The following AKAP13 variants were observed in gnomAD, a reference collection of about 807,000 sequenced individuals.
AKAP13 encodes the protein A-kinase anchoring protein 13.
AKAP13 carries 80 observed loss-of-function variants against 264.5 expected under a neutral mutation model. The ratio of observed to expected loss-of-function variants is 0.30; its 90% CI spans 0.25 to 0.36. The LOEUF is 0.36. AKAP13 is among the 10% of genes least tolerant of loss of function. The pLI is 1.00. For synonymous variants in AKAP13, 1,380 were observed against 1,250.2 expected, an observed-to-expected ratio of 1.10 and a Z score of -2.19; for missense variants, 3,712 against 3,435.2, an observed-to-expected ratio of 1.08 and a Z score of -2.01.
chr15:85,654,754 G>A (rs2083020936), intron 10 of AKAP13, among the ~76,000 whole-genome samples: 1 of 151,766 alleles, frequency 6.6e-6, no homozygotes, highest in African/African-American at 2.4e-5. Flanking sequence ...GGCCCAGGAG[G>A]TCAAGGCTGC....
chr15:85,528,763 A>G (rs1249571242), intron 3 of AKAP13, among the ~76,000 whole-genome samples: 4 of 152,120 alleles, frequency 2.6e-5, no homozygotes, highest in Admixed American at 6.5e-5. Flanking sequence ...AGTGGACTTG[A>G]TAGTGTGAGA....
At position 85,746,007 on chromosome 15, in the gene AKAP13, C is replaced by T. The variant is rs1008471689; in HGVS notation, c.*1330C>T. On this transcript the variant is annotated 3_prime_UTR_variant, in exon 37 of 37. Transcript: ENST00000394518. ...TCATCTTTGTTCACTTGAGGCTTTC[C>T]CCAGCTGGTGTGTGCAGGACAGTTC... The T allele has an allele frequency of 1.3e-5, 2 of 152,284 alleles. No individual in the cohort carries two copies. The highest frequency in any genetic ancestry group is 4.8e-5 in the African/African-American group (2 of 41,428). The allele number at this position is 152,284 out of a possible 1,614,324, so 9.4% of individuals were successfully genotyped here.
rs574095848 is a variant in AKAP13, at chr15:85,584,328, G to C, written c.4040-1374G>C. ...CAGAGGCTGCCGACACCCGTCAAGTGTGAGTAATCACTGTTTTCTAGTGTG... is the reference window on the plus strand; with the variant it reads ...CAGAGGCTGCCGACACCCGTCAAGTCTGAGTAATCACTGTTTTCTAGTGTG... On this transcript the variant is annotated intron_variant, in intron 7 of 36. Coordinates refer to ENST00000394518, the MANE Select transcript of AKAP13 (RefSeq NM_007200.5). Among the ~76,000 whole-genome samples the C allele has an allele frequency of 2.0e-5, 3 of 152,278 alleles. No homozygotes were observed. The South Asian group carries it at 6.2e-4, about 32-fold the overall frequency.
chr15:85,529,686 T>C lies in AKAP13; in HGVS notation c.182-3898T>C, dbSNP rs759310121. ...GCCACTTGAACCTAATGGAAAACAT[T>C]AATGTGAGAGAGTAGGCCTGCCAAA... On this transcript the variant is annotated intron_variant, in intron 3 of 36. Coordinates refer to ENST00000394518, the MANE Select transcript of AKAP13 (RefSeq NM_007200.5). Among the ~76,000 whole-genome samples the C allele has an allele frequency of 1.2e-3, 186 of 152,280 alleles. 1 individual carries two copies. The highest frequency in any genetic ancestry group is 4.0e-3 in the Admixed American group (61 of 15,298).
rs1463047946 is a variant in AKAP13, at chr15:85,727,995, C to G, written c.7087+532C>G. Among the ~76,000 whole-genome samples, 1 of 152,214 alleles carries G rather than the reference C, an allele frequency of 6.6e-6. No individual in the cohort carries two copies. The highest frequency in any genetic ancestry group is 2.1e-4 in the South Asian group (1 of 4,820). On this transcript the variant is annotated intron_variant, in intron 29 of 36. Transcript: ENST00000394518. The surrounding 1 kb of genome is among the most constrained non-coding windows in gnomAD (Gnocchi z 5.3). ...CTGTTTTGTGTAGTCTTGTCAGTAT[C>G]CCTGCAACACAGGCATTCTAATCCC...
At chr15:85,578,868 A>G in intron 6 of AKAP13, 62 bp from the exon 7 acceptor site, 1 of 1,524,470 alleles carries the variant, frequency 6.6e-7, no homozygotes, top group Non-Finnish European at 8.9e-7. Flanking sequence ...TTTTGCTCAG[A>G]GGTGTCAGTG....
rs1003452149 is a variant in AKAP13 at position 85,727,717 on chromosome 15, C to T, written c.7087+254C>T. 2.6e-5 allele frequency among the ~76,000 whole-genome samples: 4 copies of T among 152,140 alleles called. No individual in the cohort carries two copies. Among genetic ancestry groups the T allele is most frequent in the African/African-American group, 7.2e-5 (3 of 41,416 alleles). On this transcript the variant is annotated intron_variant, in intron 29 of 36. Coordinates refer to ENST00000394518, the MANE Select transcript of AKAP13 (RefSeq NM_007200.5). This position sits in a 1 kb window ranked among gnomAD's most constrained non-coding sequence, Gnocchi z 5.3. ...ATATTGATTCTCTTGACTCAGGATC[C>T]GTGTTCTCAAACCTCATGACATTCT...
intron 14 of AKAP13, among the ~76,000 whole-genome samples, chr15:85,673,524 C>G (rs1337141359): frequency 1.3e-5 from 2 of 152,276 alleles, no homozygotes; most frequent in African/African-American, 4.8e-5. Flanking sequence ...ATTTCTCCTC[C>G]TTGCATCAGA....
intron 16 of AKAP13, among the ~76,000 whole-genome samples, chr15:85,692,504 TGG>T (rs1197768928): frequency 2.0e-5 from 3 of 150,604 alleles, no homozygotes; most frequent in Admixed American, 6.7e-5. Flanking sequence ...GTGATGGTGG[TGG>T]TGGTGGTGGT....
At chr15:85,709,997 A>G (rs1205393399) in intron 18 of AKAP13, among the ~76,000 whole-genome samples, 3 of 152,138 alleles carry the variant, frequency 2.0e-5, no homozygotes, top group African/African-American at 7.2e-5. Context: ...CTGGAATTTC[A>G]TTTTAAATAG....
intron 7 of AKAP13, among the ~76,000 whole-genome samples, chr15:85,583,343 T>C (rs2079201556): frequency 6.6e-6 from 1 of 152,250 alleles, no homozygotes. Context: ...TTATTTTCCC[T>C]GGTAAAGGGC....
chr15:85,473,465 A>G (rs1890344078), intron 1 of AKAP13, among the ~76,000 whole-genome samples: 2 of 152,266 alleles, frequency 1.3e-5, no homozygotes, highest in Admixed American at 1.3e-4. Flanking sequence ...TAAACCCTCC[A>G]GAGAATGCTG....
At position 85,627,090 on chromosome 15, in the gene AKAP13, A is replaced by G. The variant is rs541161055; in HGVS notation, c.4162-12284A>G. ...CATCTGCGAATAGGTATTATTTACT[A>G]TGAATGCCACCTTTAGTGTGTCTTT... is the stretch of plus-strand genomic sequence containing the variant. On this transcript the variant is annotated intron_variant, in intron 8 of 36. Transcript: ENST00000394518. 8.5e-5 allele frequency among the ~76,000 whole-genome samples: 13 copies of G among 152,264 alleles called. No homozygotes were observed. In the South Asian group the frequency reaches 1.7e-3, roughly 19 times the overall value.
chr15:85,494,889 G>A (rs937666831), intron 2 of AKAP13, among the ~76,000 whole-genome samples: 3 of 152,060 alleles, frequency 2.0e-5, no homozygotes, highest in African/African-American at 7.2e-5. Flanking sequence ...GCAATTGGAA[G>A]ATGAAGAAGA....
chr15:85,680,283 C>T (rs896381349), intron 14 of AKAP13, among the ~76,000 whole-genome samples: 3 of 152,062 alleles, frequency 2.0e-5, no homozygotes, highest in African/African-American at 4.8e-5. Flanking sequence ...GGTTTTAAAA[C>T]CACTGATTTA....
At position 85,579,595 on chromosome 15, in the gene AKAP13, G is replaced by A; in HGVS notation, c.1527G>A (p.Glu509=). The A allele has an allele frequency of 6.2e-7, 1 of 1,614,214 alleles. No individual in the cohort carries two copies. ...GGGAAAGTACAAAGGAAAGATTTGA[G>A]AACTCTAATATTGGCACAGCTGGAG... is the stretch of plus-strand genomic sequence containing the variant. ...QGGESTKERF[E]NSNIGTAGAS... is the part of the protein sequence containing the mutation. Residue 509 remains glutamate (E), a synonymous_variant, in exon 7 of 37, where the codon GAG becomes GAA. Transcript: ENST00000394518.
intron 33 of AKAP13, among the ~76,000 whole-genome samples, 187 bp from the exon 34 acceptor site, chr15:85,740,035 G>A (rs898827142): frequency 3.3e-5 from 5 of 152,142 alleles, no homozygotes; most frequent in Middle Eastern, 3.4e-3. Flanking sequence ...TGTGGTCTTC[G>A]TTTGTTTTTC....
At chr15:85,644,327 G>A (rs780679888) in intron 9 of AKAP13, among the ~76,000 whole-genome samples, 1 of 150,452 alleles carries the variant, frequency 6.6e-6, no homozygotes, top group Non-Finnish European at 1.5e-5. Context: ...TGCAGTCTCC[G>A]CTTCCCGGGT....
Position 85,467,965 on chromosome 15 carries a change from C to G in AKAP13, c.-11-17745C>G, listed in dbSNP as rs541793396. 3.7e-4 allele frequency among the ~76,000 whole-genome samples: 57 copies of G among 152,294 alleles called. 1 individual carries two copies. In the Middle Eastern group the frequency reaches 0.014, roughly 36 times the overall value. On this transcript the variant is annotated intron_variant, in intron 1 of 36. Coordinates refer to ENST00000394518, the MANE Select transcript of AKAP13 (RefSeq NM_007200.5). ...TTTGATGCCTGATTTCTGATATGTTCAAGTACTCAAATTTGCACATTTTAA... is the reference window on the plus strand; with the variant it reads ...TTTGATGCCTGATTTCTGATATGTTGAAGTACTCAAATTTGCACATTTTAA...
Sources: gnomAD v4.1 joint callset for allele counts (sites outside exome capture counted in the v4.1 genomes callset) on GRCh38, gnomAD v4.1.1 for gene constraint, Gnocchi (gnomAD v3.1) non-coding constraint, MANE v1.5 for transcripts, NCBI Gene and HGNC (gene_info 2026-07-23, HGNC 2026-07-21) for gene names.